Variants in PTPN22 observed in about 807,000 individuals in gnomAD.
PTPN22 encodes the protein protein tyrosine phosphatase non-receptor type 22, also known as tyrosine-protein phosphatase non-receptor type 22.
Under a neutral mutation model 103.3 loss-of-function variants are expected in PTPN22, and 85 were observed. The ratio of observed to expected loss-of-function variants is 0.82; its 90% confidence interval spans 0.69 to 0.99. The LOEUF (loss-of-function observed/expected upper bound fraction) is 0.99. Ranked by LOEUF, PTPN22 falls within the 50% of genes least tolerant of loss-of-function variation. The pLI is 0.00. For synonymous variants in PTPN22, 323 were observed against 310.2 expected, an observed-to-expected ratio of 1.04 and a Z score of -0.43; for missense variants, 865 against 936.9, an observed-to-expected ratio of 0.92 and a Z score of 1.00.
At chr1:113,846,992 A>G (rs1442137825) in intron 11 of PTPN22, among the ~76,000 whole-genome samples, 2 of 76,116 alleles carry the variant, frequency 2.6e-5, no homozygotes, top group Non-Finnish European at 5.1e-5. Context: ...CCAATGCTAG[A>G]TTTTTTTTTT....
intron 10 of PTPN22, among the ~76,000 whole-genome samples, chr1:113,851,137 T>C (rs1171034931): frequency 6.8e-6 from 1 of 147,600 alleles, no homozygotes; most frequent in African/African-American, 2.5e-5. Flanking sequence ...TTGTGATACA[T>C]AAATAGAGTG....
At chr1:113,843,551 T>C (rs1316180343) in intron 11 of PTPN22, among the ~76,000 whole-genome samples, 1 of 152,178 alleles carries the variant, frequency 6.6e-6, no homozygotes. Context: ...TAGGGAGTTA[T>C]TGTTTAATGG....
chr1:113,857,860 T>G (rs1665212206), intron 4 of PTPN22, 84 bp from the exon 5 acceptor site: 4 of 1,235,396 alleles, frequency 3.2e-6, no homozygotes, highest in Non-Finnish European at 3.4e-6. Flanking sequence ...ACTCAGAAAG[T>G]ATTAACCGTT....
chr1:113,837,565 A>T, intron 13 of PTPN22, 25 bp downstream of exon 13: 1 of 1,459,358 alleles, frequency 6.9e-7, no homozygotes, highest in Non-Finnish European at 9.4e-7. Flanking sequence ...CTAAAATTCT[A>T]TGCAAACTTT....
chr1:113,818,602 TC>T (rs1383416892), intron 20 of PTPN22, among the ~76,000 whole-genome samples: 8 of 152,208 alleles, frequency 5.3e-5, no homozygotes, highest in Non-Finnish European at 7.3e-5. Flanking sequence ...CAGAGATTGC[TC>T]CCCATCCACC....
intron 16 of PTPN22, 51 bp downstream of exon 16, chr1:113,833,060 T>G: frequency 6.6e-7 from 1 of 1,504,592 alleles, no homozygotes; most frequent in Non-Finnish European, 9.2e-7. Context: ...TAACGAACCA[T>G]TCTTCCAATC....
intron 11 of PTPN22, among the ~76,000 whole-genome samples, chr1:113,843,815 G>A (rs1465816263): frequency 6.6e-6 from 1 of 152,102 alleles, no homozygotes; most frequent in Admixed American, 6.5e-5. Context: ...GAAACTATGT[G>A]GGCCTGAGAT....
intron 13 of PTPN22, among the ~76,000 whole-genome samples, chr1:113,836,052 T>G (rs1662988817): frequency 6.6e-6 from 1 of 152,128 alleles, no homozygotes; most frequent in African/African-American, 2.4e-5. Context: ...TATAAAATAA[T>G]CTAATCACAG....
chr1:113,821,356 C>G (rs1661590357), intron 19 of PTPN22, among the ~76,000 whole-genome samples: 1 of 152,090 alleles, frequency 6.6e-6, no homozygotes, highest in Admixed American at 6.5e-5. Context: ...CAGTCTCACT[C>G]TGTCGCCCAG....
At chr1:113,846,272 T>C (rs938341088) in intron 11 of PTPN22, among the ~76,000 whole-genome samples, 7 of 152,204 alleles carry the variant, frequency 4.6e-5, no homozygotes, top group Non-Finnish European at 1.0e-4. Context: ...GATTTACCTA[T>C]AGTGTGTTTT....
chr1:113,841,579 A>G (rs939282926), intron 11 of PTPN22, among the ~76,000 whole-genome samples: 7 of 150,592 alleles, frequency 4.6e-5, no homozygotes, highest in Admixed American at 6.7e-5. Context: ...CTAAAACTCA[A>G]CAACATGTAA....
chr1:113,837,487 A>C, intron 13 of PTPN22, 103 bp downstream of exon 13: 1 of 810,158 alleles, frequency 1.2e-6, no homozygotes, highest in Non-Finnish European at 1.9e-6. Context: ...AAAGAAAGAA[A>C]GAGAAGAAGC....
intron 11 of PTPN22, among the ~76,000 whole-genome samples, chr1:113,842,270 G>C (rs1371739340): frequency 1.3e-5 from 2 of 151,992 alleles, no homozygotes; most frequent in Non-Finnish European, 2.9e-5. Flanking sequence ...TTTCCAAAGA[G>C]GATATACAAA....
intron 1 of PTPN22, among the ~76,000 whole-genome samples, chr1:113,869,851 T>C (rs887504702): frequency 1.3e-5 from 2 of 152,096 alleles, no homozygotes; most frequent in African/African-American, 4.8e-5. Flanking sequence ...TTCCTACTTA[T>C]CTCCTTTCAG....
At chr1:113,833,163 G>A (rs1183783928) in intron 15 of PTPN22, 25 bp from the exon 16 acceptor site, 2 of 1,521,044 alleles carry the variant, frequency 1.3e-6, no homozygotes, top group African/African-American at 1.4e-5. Flanking sequence ...GAAAGGAAAA[G>A]TGAAAGAAGA....
chr1:113,828,875 A>T (rs543486265), intron 18 of PTPN22, among the ~76,000 whole-genome samples: 17 of 152,194 alleles, frequency 1.1e-4, no homozygotes, highest in African/African-American at 4.1e-4. Flanking sequence ...AGCTCAAGTG[A>T]TCTGCCCGCC....
At chr1:113,852,375 G>T (rs1194055383) in intron 9 of PTPN22, among the ~76,000 whole-genome samples, 1 of 152,182 alleles carries the variant, frequency 6.6e-6, no homozygotes, top group Non-Finnish European at 1.5e-5. Flanking sequence ...CGAGGGACAG[G>T]ATTCAGTAGA....
chr1:113,835,002 A>G lies in PTPN22; in HGVS notation c.1811-9T>C. ...TATCCTTGGAGCAGTTGCTATCCAA[A>G]ATGTCAAAAATATTGTAACAATTGT... On this transcript the variant is annotated splice_polypyrimidine_tract_variant and intron_variant, in intron 13 of 20. Transcript: ENST00000359785. 1 of 1,497,146 alleles carries G rather than the reference A, an allele frequency of 6.7e-7. No individual in the cohort carries two copies. The highest frequency in any genetic ancestry group is 9.0e-7 in the Non-Finnish European group (1 of 1,114,680). 92.7% of individuals were successfully genotyped at this position (1,497,146 alleles called of 1,614,324 possible).
intron 1 of PTPN22, among the ~76,000 whole-genome samples, chr1:113,865,462 G>A (rs746334396): frequency 6.6e-6 from 1 of 152,092 alleles, no homozygotes; most frequent in Non-Finnish European, 1.5e-5. Flanking sequence ...TAGTTGTAAC[G>A]ATTAAACGAG....
Sources: gnomAD v4.1 joint callset for allele counts (sites outside exome capture counted in the v4.1 genomes callset) on GRCh38, gnomAD v4.1.1 for gene constraint, MANE v1.5 for transcripts, NCBI Gene and HGNC (gene_info 2026-07-23, HGNC 2026-07-21) for gene names.